The following MINDY4 variants were observed in gnomAD, a reference collection of about 807,000 sequenced individuals.
MINDY4 encodes probable ubiquitin carboxyl-terminal hydrolase MINDY-4.
In MINDY4, 68 loss-of-function variants were observed where a neutral mutation model predicts 87.0. The observed-to-expected ratio is 0.78, with a 90% CI of 0.64 to 0.96. The LOEUF is 0.96. Among genes scored for constraint, MINDY4 ranks in the 40% least tolerant of loss-of-function variants. The pLI is 0.00. For missense variants in MINDY4, 919 were observed against 928.2 expected (o/e 0.99, Z 0.13); for synonymous variants, 379 against 363.2 (o/e 1.04, Z -0.50).
intron 13 of MINDY4, among the ~76,000 whole-genome samples, chr7:30,861,184 G>A (rs776635911): frequency 1.3e-5 from 2 of 152,206 alleles, no homozygotes; most frequent in Non-Finnish European, 2.9e-5. Context: ...CCCTGCTATG[G>A]TGTTCGGGCC....
intron 1 of MINDY4, among the ~76,000 whole-genome samples, chr7:30,774,328 C>T (rs1786738463): frequency 6.6e-6 from 1 of 152,174 alleles, no homozygotes; most frequent in Admixed American, 6.5e-5. Flanking sequence ...TGGATGAATT[C>T]TCCATACCCC....
intron 2 of MINDY4, chr7:30,779,415 G>C (rs1786933284): frequency 6.6e-6 from 1 of 152,174 alleles, no homozygotes; most frequent in Non-Finnish European, 1.5e-5. Context: ...AAAAAGAATG[G>C]GCTGTCCAGC....
chr7:30,772,319 T>C (rs995476512), intron 1 of MINDY4, among the ~76,000 whole-genome samples: 3 of 152,134 alleles, frequency 2.0e-5, no homozygotes, highest in African/African-American at 7.2e-5. Context: ...ACTTGTCTTG[T>C]ATGAAAACAC....
At chr7:30,833,827 C>T (rs771854860) in intron 6 of MINDY4, among the ~76,000 whole-genome samples, 5 of 152,232 alleles carry the variant, frequency 3.3e-5, no homozygotes, top group Non-Finnish European at 7.3e-5. Context: ...CCAGGCCCTA[C>T]GCAAGTCCAA....
At position 30,882,420 on chromosome 7, in the gene MINDY4, T is replaced by C. The variant is rs1023693133; in HGVS notation, c.2152+59T>C. 2.2e-6 allele frequency: 3 copies of C among 1,336,284 alleles called. No individual in the cohort carries two copies. In the African/African-American group the frequency reaches 5.4e-5, roughly 24 times the overall value. The allele number at this position is 1,336,284 out of a possible 1,614,324, so 82.8% of individuals were successfully genotyped here. ...TGTCCCCAAGGAGCCTCCAGGCTGGTCACAGAAACCAGCCTTCCTATCCAC... is the reference window on the plus strand; with the variant it reads ...TGTCCCCAAGGAGCCTCCAGGCTGGCCACAGAAACCAGCCTTCCTATCCAC... On this transcript the variant is annotated intron_variant, in intron 16 of 17. Transcript: ENST00000265299.
At chr7:30,845,537 G>A (rs78742208) in intron 9 of MINDY4, among the ~76,000 whole-genome samples, 5,197 of 145,686 alleles carry the variant, frequency 0.036, 134 homozygotes, top group East Asian at 0.11. Flanking sequence ...AAAAAAAAAA[G>A]GGCAAGCTCT....
At chr7:30,776,005 A>T (rs1487448572) in intron 1 of MINDY4, among the ~76,000 whole-genome samples, 1 of 152,236 alleles carries the variant, frequency 6.6e-6, no homozygotes, top group Admixed American at 6.5e-5. Context: ...ATCAGAGCAC[A>T]TACAGAATGT....
chr7:30,810,658 A>G (rs975741409), intron 5 of MINDY4, among the ~76,000 whole-genome samples: 1 of 152,214 alleles, frequency 6.6e-6, no homozygotes, highest in Non-Finnish European at 1.5e-5. Flanking sequence ...AAAAGAGTCT[A>G]TAAAAATCTT....
rs750864689 is a variant in MINDY4, at chr7:30,839,190, C to T, written c.1240-10C>T. Reference sequence around the variant, plus strand: ...AAAACAACCAGTAAAACTCTCTCTTCTTTTTATAGGAAATAAAGACCCTTC... The same window carrying T: ...AAAACAACCAGTAAAACTCTCTCTTTTTTTTATAGGAAATAAAGACCCTTC... On this transcript the variant is annotated splice_polypyrimidine_tract_variant and intron_variant, in intron 7 of 17. Transcript: ENST00000265299. The T allele has an allele frequency of 2.7e-5, 42 of 1,572,688 alleles. No individual in the cohort carries two copies. Among genetic ancestry groups the T allele is most frequent in the Non-Finnish European group, 3.6e-5 (42 of 1,153,388 alleles).
chr7:30,823,849 C>T (rs1400051555), intron 5 of MINDY4, among the ~76,000 whole-genome samples: 2 of 152,176 alleles, frequency 1.3e-5, no homozygotes, highest in African/African-American at 4.8e-5. Flanking sequence ...AAAAACTTCT[C>T]TCTTCTAGGG....
At chr7:30,822,320 A>G (rs2128561077) in intron 5 of MINDY4, among the ~76,000 whole-genome samples, 1 of 152,082 alleles carries the variant, frequency 6.6e-6, no homozygotes, top group South Asian at 2.1e-4. Context: ...ACAGGCTCAC[A>G]CCACCAAGCC....
At chr7:30,881,208 G>A (rs1047045117) in intron 15 of MINDY4, among the ~76,000 whole-genome samples, 4 of 152,140 alleles carry the variant, frequency 2.6e-5, no homozygotes, top group African/African-American at 9.7e-5. Flanking sequence ...CAGGGGCTGG[G>A]GGAAAGTGCA....
At chr7:30,885,518 A>C (rs1290621124) in intron 17 of MINDY4, among the ~76,000 whole-genome samples, 3 of 152,192 alleles carry the variant, frequency 2.0e-5, no homozygotes, top group Non-Finnish European at 4.4e-5. Context: ...GTCTCAAAAA[A>C]ACAAACAAAC....
intron 5 of MINDY4, among the ~76,000 whole-genome samples, chr7:30,795,557 C>T (rs1378070272): frequency 1.3e-5 from 2 of 152,178 alleles, no homozygotes; most frequent in Non-Finnish European, 2.9e-5. Context: ...GGTCAGGGAC[C>T]AGATGACCTG....
chr7:30,797,696 A>G (rs1328004111), intron 5 of MINDY4, among the ~76,000 whole-genome samples: 1 of 152,218 alleles, frequency 6.6e-6, no homozygotes, highest in Non-Finnish European at 1.5e-5. Flanking sequence ...GAGGTCGAGC[A>G]GAGACATGCT....
chr7:30,824,610 T>G (rs1788439949), intron 5 of MINDY4, among the ~76,000 whole-genome samples: 1 of 152,214 alleles, frequency 6.6e-6, no homozygotes, highest in Non-Finnish European at 1.5e-5. Flanking sequence ...ATTTTTATTT[T>G]TATTTTTTAG....
intron 5 of MINDY4, among the ~76,000 whole-genome samples, chr7:30,803,963 TAGAG>T (rs1411429493): frequency 6.6e-6 from 1 of 152,184 alleles, no homozygotes; most frequent in Non-Finnish European, 1.5e-5. Flanking sequence ...GGGCCTGACA[TAGAG>T]AGAGCCAAAG....
intron 17 of MINDY4, among the ~76,000 whole-genome samples, chr7:30,890,584 T>C (rs561871737): frequency 1.3e-5 from 2 of 152,352 alleles, no homozygotes; most frequent in African/African-American, 4.8e-5. Flanking sequence ...GGGGAAAATT[T>C]AGTCTTTACA....
At chr7:30,859,027 CT>C (rs1562556832) in intron 12 of MINDY4, 1 of 709,728 alleles carries the variant, frequency 1.4e-6, no homozygotes, top group South Asian at 1.5e-5. Flanking sequence ...CTGATGCTCT[CT>C]TTGGTGGCCC....
Sources: gnomAD v4.1 joint callset for allele counts (sites outside exome capture counted in the v4.1 genomes callset) on GRCh38, gnomAD v4.1.1 for gene constraint, MANE v1.5 for transcripts, NCBI Gene and HGNC (gene_info 2026-07-23, HGNC 2026-07-21) for gene names.